The following SAMMSON variants were observed in gnomAD, a reference collection of about 807,000 sequenced individuals.
The protein encoded by SAMMSON is long intergenic non-protein coding RNA 1212.
In SAMMSON at chr3:70,376,080, C is replaced by A. The variant is rs558387064; in HGVS notation, n.914-13494C>A. On this transcript the variant is annotated intron_variant and non_coding_transcript_variant, in intron 9 of 9. Coordinates refer to ENST00000642114, the Ensembl canonical transcript of SAMMSON. ...GGTTTTAACCTGCATTTATTGAATA[C>A]CTAGTGTTCCAATCTTTCATTTTCA... is the stretch of plus-strand genomic sequence containing the variant. 2.0e-5 allele frequency among the ~76,000 whole-genome samples: 3 copies of A among 152,134 alleles called. 1 individual carries two copies. The highest frequency in any genetic ancestry group is 7.2e-5 in the African/African-American group (3 of 41,518).
chr3:70,424,389 A>G (rs1701337814), intron 2 of SAMMSON, among the ~76,000 whole-genome samples: 1 of 152,204 alleles, frequency 6.6e-6, no homozygotes, highest in African/African-American at 2.4e-5. Flanking sequence ...AATCTTTAAA[A>G]TATTTAATTT....
At chr3:70,286,981 T>C (rs2106688092) in intron 6 of SAMMSON, among the ~76,000 whole-genome samples, 1 of 150,074 alleles carries the variant, frequency 6.7e-6, no homozygotes, top group African/African-American at 2.5e-5. Context: ...GTTTTCTAGA[T>C]ATAAAATCAT....
chr3:70,321,915 C>T (rs1533814), intron 7 of SAMMSON, among the ~76,000 whole-genome samples: 125,942 of 152,002 alleles, frequency 0.83, 52,302 homozygotes, highest in East Asian at 0.93. Context: ...TTCTTGTAAA[C>T]GTGAAGTATT....
intron 4 of SAMMSON, among the ~76,000 whole-genome samples, chr3:70,132,770 TAA>T (rs79327577): frequency 0.19 from 17,727 of 93,284 alleles, 1,132 homozygotes; most frequent in East Asian, 0.46. Context: ...GATGAGACCC[TAA>T]AAAAAAAAAA....
At chr3:70,126,355 G>A in intron 4 of SAMMSON, 1 of 1,144,848 alleles carries the variant, frequency 8.7e-7, no homozygotes, top group Non-Finnish European at 1.3e-6. Context: ...AAAAGTTTCA[G>A]CTGATGGAGT....
chr3:70,414,731 T>C (rs981906329), intron 2 of SAMMSON, among the ~76,000 whole-genome samples: 4 of 152,178 alleles, frequency 2.6e-5, no homozygotes, highest in African/African-American at 9.6e-5. Flanking sequence ...ATGAACCTCA[T>C]ATAGTTCATT....
In SAMMSON at chr3:70,191,210, G is replaced by A. The variant is rs556197673; in HGVS notation, n.508-57897G>A. On this transcript the variant is annotated intron_variant and non_coding_transcript_variant, in intron 4 of 9. Transcript: ENST00000642114. ...TGAAAGCTCTGTATCCACAAAATAA[G>A]TTGTGGCTTTGTAAATTCATTCTAA... 6.6e-5 allele frequency among the ~76,000 whole-genome samples: 10 copies of A among 152,334 alleles called. No individual in the cohort carries two copies. The East Asian group carries it at 9.6e-4, about 15-fold the overall frequency.
At chr3:70,153,664 C>T (rs763229939) in intron 4 of SAMMSON, among the ~76,000 whole-genome samples, 1 of 151,822 alleles carries the variant, frequency 6.6e-6, no homozygotes, top group East Asian at 1.9e-4. Flanking sequence ...TATATTTTTG[C>T]GATTTTTAAA....
At chr3:70,333,957 A>G (rs1419245693) in intron 7 of SAMMSON, among the ~76,000 whole-genome samples, 1 of 152,226 alleles carries the variant, frequency 6.6e-6, no homozygotes, top group Non-Finnish European at 1.5e-5. Flanking sequence ...ATGGTCACCT[A>G]TTACACAGGT....
chr3:70,352,267 A>G (rs994041690), intron 7 of SAMMSON, among the ~76,000 whole-genome samples: 4 of 152,150 alleles, frequency 2.6e-5, no homozygotes, highest in Admixed American at 2.6e-4. Flanking sequence ...GGAGTGAAAG[A>G]GAAATGACAC....
chr3:70,129,783 A>G (rs2067474611), intron 4 of SAMMSON, among the ~76,000 whole-genome samples: 1 of 152,188 alleles, frequency 6.6e-6, no homozygotes, highest in Non-Finnish European at 1.5e-5. Flanking sequence ...TTAAAATATG[A>G]TATGGACACT....
intron 6 of SAMMSON, among the ~76,000 whole-genome samples, chr3:70,269,451 G>C (rs1701954515): frequency 6.6e-6 from 1 of 152,164 alleles, no homozygotes; most frequent in Non-Finnish European, 1.5e-5. Flanking sequence ...CCATGTTCAA[G>C]TAAGGCAAAT....
At chr3:70,020,863 C>A (rs1407940316) in intron 3 of SAMMSON, among the ~76,000 whole-genome samples, 2 of 152,050 alleles carry the variant, frequency 1.3e-5, no homozygotes, top group Non-Finnish European at 2.9e-5. Flanking sequence ...TATAAACATA[C>A]CTTGTTATTT....
intron 9 of SAMMSON, among the ~76,000 whole-genome samples, chr3:70,360,068 C>A (rs914160321): frequency 1.3e-5 from 2 of 152,016 alleles, no homozygotes; most frequent in Non-Finnish European, 2.9e-5. Context: ...AAAGTCTAAC[C>A]CTTTATTTTA....
intron 4 of SAMMSON, among the ~76,000 whole-genome samples, chr3:70,245,173 C>T (rs1424599950): frequency 6.6e-6 from 1 of 152,026 alleles, no homozygotes; most frequent in Non-Finnish European, 1.5e-5. Flanking sequence ...ATTTAGGGTG[C>T]TTGCAATGCA....
chr3:70,139,418 G>A (rs912651352), intron 4 of SAMMSON, among the ~76,000 whole-genome samples: 8 of 152,110 alleles, frequency 5.3e-5, no homozygotes, highest in African/African-American at 1.9e-4. Flanking sequence ...ACCCACTGTG[G>A]TTGCAGCCCC....
At chr3:70,167,929 T>C (rs2067644515) in intron 4 of SAMMSON, among the ~76,000 whole-genome samples, 2 of 152,012 alleles carry the variant, frequency 1.3e-5, no homozygotes, top group Non-Finnish European at 2.9e-5. Context: ...AGTATTGATT[T>C]TGGACTACAT....
chr3:70,167,307 A>C (rs2067641232), intron 4 of SAMMSON, among the ~76,000 whole-genome samples: 1 of 151,992 alleles, frequency 6.6e-6, no homozygotes. Flanking sequence ...GTTATTTTCT[A>C]CCTAGTAATG....
chr3:70,106,001 C>G (rs1432202391), intron 4 of SAMMSON, among the ~76,000 whole-genome samples: 1 of 152,160 alleles, frequency 6.6e-6, no homozygotes, highest in African/African-American at 2.4e-5. Context: ...CTCCTTAACA[C>G]TTTCTCTTGG....
Sources: gnomAD v4.1 joint callset for allele counts (sites outside exome capture counted in the v4.1 genomes callset) on GRCh38, gnomAD v4.1.1 for gene constraint, MANE v1.5 for transcripts, NCBI Gene and HGNC (gene_info 2026-07-23, HGNC 2026-07-21) for gene names.